The following SLC19A1 variants were observed in gnomAD, a reference collection of about 807,000 sequenced individuals.
The protein encoded by SLC19A1 is solute carrier family 19 member 1.
Under a neutral mutation model 35.3 loss-of-function variants are expected in SLC19A1, and 37 were observed. The ratio of observed to expected loss-of-function variants is 1.05; its 90% CI spans 0.81 to 1.38. SLC19A1 has a LOEUF of 1.38. SLC19A1 is among the 40% of genes most tolerant of loss of function. The pLI, the probability that SLC19A1 is intolerant of heterozygous loss-of-function variation, is 0.00. For synonymous variants in SLC19A1, 460 were observed against 398.5 expected (o/e 1.15, Z -1.84); for missense variants, 831 against 826.9 (o/e 1.00, Z -0.06).
At chr21:45,555,712 G>C (rs1189089791) in intron 1 of SLC19A1, among the ~76,000 whole-genome samples, 3 of 152,050 alleles carry the variant, frequency 2.0e-5, no homozygotes, top group African/African-American at 4.8e-5. Flanking sequence ...GTAGCCTCCC[G>C]AGCAGGGTGG....
chr21:45,522,830 G>A (rs2077477468), intron 5 of SLC19A1, among the ~76,000 whole-genome samples: 1 of 152,166 alleles, frequency 6.6e-6, no homozygotes, highest in Non-Finnish European at 1.5e-5. Flanking sequence ...GGTTAAAGAG[G>A]ACGTGAGGCT....
rs967964158 is a variant in SLC19A1, at chr21:45,505,654, G to A, written c.498-7042C>T. 1.1e-4 allele frequency among the ~76,000 whole-genome samples: 16 copies of A among 152,278 alleles called. No individual in the cohort carries two copies. The highest frequency in any genetic ancestry group is 5.9e-4 in the Admixed American group (9 of 15,310). ...TGCCCAGGGCCTGTACATTGTCCAC[G>A]GAGGCGCAGGAGCTGGCGGCAGGCA... On this transcript the variant is annotated intron_variant, in intron 3 of 4. Coordinates refer to the SLC19A1 transcript ENST00000417954.
downstream of SLC19A1, chr21:45,512,046 GC>G: frequency 1.2e-6 from 1 of 863,104 alleles, no homozygotes; most frequent in South Asian, 1.5e-5. Flanking sequence ...AGGCCATGTG[GC>G]CCTCCAGGTT....
At chr21:45,542,900 G>A (rs1163075218), upstream of SLC19A1, among the ~76,000 whole-genome samples, 2 of 151,816 alleles carry the variant, frequency 1.3e-5, no homozygotes, top group Non-Finnish European at 2.9e-5. Context: ...TCCGGGACGC[G>A]GGTCGGGCCC....
chr21:45,515,599 A>C lies in SLC19A1; in HGVS notation c.*59T>G. 1 of 1,604,440 alleles carries C rather than the reference A, an allele frequency of 6.2e-7. No individual in the cohort carries two copies. The highest frequency in any genetic ancestry group is 2.2e-5 in the East Asian group (1 of 44,842). On this transcript the variant is annotated 3_prime_UTR_variant, in exon 6 of 6. Coordinates refer to ENST00000311124, the MANE Select transcript of SLC19A1 (RefSeq NM_194255.4). ...TGCTAAGGCAGGCGGCCCTCGAGGCAGGGGTCGTGGGGATGCACTGAGGGC... is the reference window on the plus strand; with the variant it reads ...TGCTAAGGCAGGCGGCCCTCGAGGCCGGGGTCGTGGGGATGCACTGAGGGC...
intron 5 of SLC19A1, among the ~76,000 whole-genome samples, chr21:45,516,580 G>A (rs2037957612): frequency 6.6e-6 from 1 of 152,232 alleles, no homozygotes. Flanking sequence ...TTCGCGCCCA[G>A]AGCAACCCCC....
In SLC19A1 at chr21:45,514,438, G is replaced by A. The variant is rs1568963305; in HGVS notation, c.*1220C>T. 6.6e-6 allele frequency: 1 copy of A among 152,614 alleles called. No individual in the cohort carries two copies. Among genetic ancestry groups the A allele is most frequent in the Non-Finnish European group, 1.5e-5 (1 of 68,344 alleles). The allele number at this position is 152,614 out of a possible 1,614,324, so 9.5% of individuals were successfully genotyped here. On this transcript the variant is annotated 3_prime_UTR_variant, in exon 6 of 6. Coordinates refer to ENST00000311124, the MANE Select transcript of SLC19A1 (RefSeq NM_194255.4). ...CTGAGCCACCTCGGGAGACCCCTGG[G>A]TCCAGCAGCTCCAGCAGCCCCTCCC...
downstream of SLC19A1, chr21:45,512,175 G>T: frequency 6.2e-7 from 1 of 1,608,452 alleles, no homozygotes; most frequent in Non-Finnish European, 8.5e-7. Flanking sequence ...TGACGGCCCG[G>T]CGCGTCTTAC....
In SLC19A1 at chr21:45,503,983, C is replaced by T. The variant is rs750753948; in HGVS notation, c.498-5371G>A. 6.4e-5 allele frequency: 103 copies of T among 1,613,010 alleles called. No homozygotes were observed. Among genetic ancestry groups the T allele is most frequent in the African/African-American group, 8.0e-5 (6 of 74,974 alleles). ...CCGGCGCTGTCAGACACCACCTCAG[C>T]GAGACCCCGCCTGTCTCTCTCTTGC... On this transcript the variant is annotated intron_variant, in intron 3 of 4. Transcript: ENST00000417954.
At chr21:45,505,039 C>T in intron 3 of SLC19A1, 1 of 1,514,366 alleles carries the variant, frequency 6.6e-7, no homozygotes, top group Non-Finnish European at 8.9e-7. Flanking sequence ...GCTGCGCTCG[C>T]CAAGGGGGTC....
chr21:45,502,905 A>G (rs1044219615), intron 3 of SLC19A1: 1 of 152,236 alleles, frequency 6.6e-6, no homozygotes, highest in African/African-American at 2.4e-5. Context: ...AACTCTCAGG[A>G]TGAGTAAGTC....
chr21:45,527,265 G>A (rs1041505490), intron 4 of SLC19A1, among the ~76,000 whole-genome samples: 7 of 149,798 alleles, frequency 4.7e-5, no homozygotes, highest in South Asian at 2.1e-4. Flanking sequence ...GGCGGGGCAG[G>A]CCCTGGAGGT....
At chr21:45,556,165 G>A (rs905951729) in intron 1 of SLC19A1, among the ~76,000 whole-genome samples, 5 of 152,260 alleles carry the variant, frequency 3.3e-5, no homozygotes, top group African/African-American at 7.2e-5. Flanking sequence ...CCAGTCCCCG[G>A]AAGAGGGTGG....
intron 4 of SLC19A1, among the ~76,000 whole-genome samples, chr21:45,528,328 T>C (rs977110128): frequency 2.0e-5 from 3 of 151,852 alleles, no homozygotes; most frequent in Non-Finnish European, 4.4e-5. Flanking sequence ...TGGGGCGTGA[T>C]GGGGGCACAG....
rs1170210368 is a variant in SLC19A1, at chr21:45,540,318, G to A, written c.-50+2050C>T. The stretch of plus-strand genomic sequence containing the variant: ...CAACCAGATCGCCGCAGACAACGGG[G>A]AGCCATCAGGAGCTGAACTAAGCCC... On this transcript the variant is annotated intron_variant, in intron 1 of 5. Coordinates refer to ENST00000311124, the MANE Select transcript of SLC19A1 (RefSeq NM_194255.4). The surrounding 1 kb of genome is among the most constrained non-coding windows in gnomAD (Gnocchi z 5.5). 1.3e-5 allele frequency among the ~76,000 whole-genome samples: 2 copies of A among 152,178 alleles called. No homozygotes were observed. The highest frequency in any genetic ancestry group is 3.9e-4 in the East Asian group (2 of 5,180).
In SLC19A1 at chr21:45,534,531, C is replaced by T. The variant is rs1206191501; in HGVS notation, c.190-2383G>A. 6.5e-7 allele frequency: 1 copy of T among 1,534,714 alleles called. No individual in the cohort carries two copies. Among genetic ancestry groups the T allele is most frequent in the African/African-American group, 1.4e-5 (1 of 73,036 alleles). On this transcript the variant is annotated intron_variant, in intron 2 of 5. Coordinates refer to ENST00000311124, the MANE Select transcript of SLC19A1 (RefSeq NM_194255.4). The surrounding 1 kb of genome is among the most constrained non-coding windows in gnomAD (Gnocchi z 4.2). Reference sequence around the variant, plus strand: ...GGGCGGCCAGGGGTCCTAGAAGCCTCACCCACCTCCGAATGAATGGAGCAT... The same window carrying T: ...GGGCGGCCAGGGGTCCTAGAAGCCTTACCCACCTCCGAATGAATGGAGCAT...
At chr21:45,507,016 G>A (rs2037247554) in intron 3 of SLC19A1, 1 of 305,732 alleles carries the variant, frequency 3.3e-6, no homozygotes, top group Non-Finnish European at 6.6e-6. Context: ...AGGGGCTTTG[G>A]TCCTGACAGG....
In SLC19A1 at chr21:45,530,950, G is replaced by T; in HGVS notation, c.971C>A (p.Ala324Glu). The change falls in exon 4 of 6, where the codon GCG (alanine) becomes GAG (glutamate). Residue 324 changes from alanine (A) to glutamate (E), a missense_variant. Transcript: ENST00000311124. This position sits in a 1 kb window ranked among gnomAD's most constrained non-coding sequence, Gnocchi z 5.3. ...CGCCCAGCGGATCTTCACGAAGCCC[G>T]CGGCGAAGGACGTGATGGCGCCTGA... ...TLLGAITSFA[A>E]GFVKIRWARW... The T allele has an allele frequency of 6.9e-7, 1 of 1,452,008 alleles. No individual in the cohort carries two copies. 89.9% of individuals were successfully genotyped at this position (1,452,008 alleles called of 1,614,324 possible). A position where few individuals can be genotyped will look rare whatever the true frequency, so the allele number is the denominator to read the frequency against.
rs2146193977 is a variant in SLC19A1 at position 45,515,723 on chromosome 21, G to A, written c.1711C>T (p.Pro571Ser). Residue 571 changes from proline to serine, a missense_variant, in exon 6 of 6, where the codon CCT becomes TCT. By Grantham distance (74) the Pro-to-Ser change is moderately conservative (BLOSUM62 -1). Transcript: ENST00000311124. Reference protein sequence around the residue: ...ETCPQLAVHPPGVSKLGLQCL... With the variant: ...ETCPQLAVHPSGVSKLGLQCL... ...TGCAAACCCAGCTTGCTGACACCAG[G>A]AGGATGGACAGCCAGCTGGGGACAA... is the stretch of plus-strand genomic sequence containing the variant. 1 of 1,613,872 alleles carries A rather than the reference G, an allele frequency of 6.2e-7. No homozygotes were observed. The highest frequency in any genetic ancestry group is 2.2e-5 in the East Asian group (1 of 44,870).
Sources: gnomAD v4.1 joint callset for allele counts (sites outside exome capture counted in the v4.1 genomes callset) on GRCh38, gnomAD v4.1.1 for gene constraint, Gnocchi (gnomAD v3.1) non-coding constraint, MANE v1.5 for transcripts, NCBI Gene and HGNC (gene_info 2026-07-23, HGNC 2026-07-21) for gene names.